The following STRN3 variants were observed in gnomAD, a reference collection of about 807,000 sequenced individuals.
STRN3 encodes striatin 3.
STRN3 carries 29 observed loss-of-function variants against 95.6 expected under a neutral mutation model. The observed-to-expected ratio is 0.30, with a 90% CI of 0.23 to 0.41. The LOEUF is 0.41. STRN3 is among the 10% of genes least tolerant of loss of function. The probability of loss-of-function intolerance (pLI) is 1.00; values close to 1 mark genes in which losing one functional copy is unlikely to be tolerated. For synonymous variants in STRN3, 331 were observed against 357.6 expected (o/e 0.93, Z 0.84); for missense variants, 890 against 972.1 (o/e 0.92, Z 1.12).
In STRN3 at chr14:30,980,915, TA is replaced by T. The variant is rs575418646; in HGVS notation, c.283-24674del. On this transcript the variant is annotated intron_variant, in intron 1 of 17. Transcript: ENST00000357479. ...ACTCAGAAGCAAACATCCAAGGAAT[TA>T]AAAAAAAAACTTAAATATTTTAGCT... Among the ~76,000 whole-genome samples the T allele has an allele frequency of 3.8e-3, 569 of 148,818 alleles. 2 individuals carry two copies. The highest frequency in any genetic ancestry group is 0.013 in the African/African-American group (531 of 40,610).
intron 3 of STRN3, among the ~76,000 whole-genome samples, chr14:30,954,676 C>A (rs1288400025): frequency 6.6e-6 from 1 of 152,070 alleles, no homozygotes; most frequent in Non-Finnish European, 1.5e-5. Context: ...TAGGTTTATA[C>A]AGATAAAAAC....
intron 7 of STRN3, among the ~76,000 whole-genome samples, chr14:30,934,086 G>A (rs1878694556): frequency 1.3e-5 from 2 of 152,174 alleles, no homozygotes; most frequent in Admixed American, 1.3e-4. Flanking sequence ...AGTACTTTGG[G>A]AGGCCAAGGC....
At chr14:30,945,651 T>C (rs1275748880) in intron 5 of STRN3, among the ~76,000 whole-genome samples, 3 of 152,060 alleles carry the variant, frequency 2.0e-5, no homozygotes, top group Non-Finnish European at 4.4e-5. Context: ...AAACCAAACG[T>C]AGTATATCCA....
intron 9 of STRN3, among the ~76,000 whole-genome samples, chr14:30,914,641 C>T (rs955898185): frequency 6.6e-6 from 1 of 152,090 alleles, no homozygotes; most frequent in African/African-American, 2.4e-5. Flanking sequence ...CGTGAGCCAC[C>T]GCGCCCAGCC....
intron 7 of STRN3, among the ~76,000 whole-genome samples, chr14:30,933,924 T>C (rs2139068154): frequency 6.6e-6 from 1 of 152,334 alleles, no homozygotes; most frequent in South Asian, 2.1e-4. Context: ...AACACATAAA[T>C]GAGGCATCTT....
At chr14:30,911,596 TCTGGC>T (rs1896611627) in intron 12 of STRN3, among the ~76,000 whole-genome samples, 176 bp downstream of exon 12, 2 of 152,218 alleles carry the variant, frequency 1.3e-5, no homozygotes, top group South Asian at 4.2e-4. Flanking sequence ...AACTACTGCA[TCTGGC>T]CTGAATGGTA....
chr14:30,995,299 G>A (rs765177522), intron 1 of STRN3, among the ~76,000 whole-genome samples: 1 of 151,894 alleles, frequency 6.6e-6, no homozygotes, highest in Non-Finnish European at 1.5e-5. Context: ...GTTCCTGGGA[G>A]CAGCAAGATG....
Position 31,012,031 on chromosome 14 carries a change from G to A in STRN3, c.282+13873C>T, listed in dbSNP as rs978009985. Among the ~76,000 whole-genome samples, 9 of 152,204 alleles carry A rather than the reference G, an allele frequency of 5.9e-5. 1 individual carries two copies. Among genetic ancestry groups the A allele is most frequent in the Admixed American group, 1.3e-4 (2 of 15,286 alleles). The stretch of plus-strand genomic sequence containing the variant: ...CAGGAGCCGGAGGTTGCAGTGAGCC[G>A]AGATCGCGCAACTGCGCTCCAGCAT... On this transcript the variant is annotated intron_variant, in intron 1 of 17. Transcript: ENST00000357479.
intron 1 of STRN3, among the ~76,000 whole-genome samples, chr14:31,011,029 A>G (rs1566491220): frequency 6.6e-6 from 1 of 152,026 alleles, no homozygotes; most frequent in Non-Finnish European, 1.5e-5. Flanking sequence ...ACAGAGCAAC[A>G]CTCTGTCTCA....
chr14:30,902,523 A>G lies in STRN3; in HGVS notation c.2137+13T>C. The G allele has an allele frequency of 3.3e-6, 5 of 1,519,854 alleles. No homozygotes were observed. The highest frequency in any genetic ancestry group is 4.5e-6 in the Non-Finnish European group (5 of 1,109,068). The allele number at this position is 1,519,854 out of a possible 1,614,324, so 94.1% of individuals were successfully genotyped here. On this transcript the variant is annotated intron_variant, in intron 16 of 17. Coordinates refer to ENST00000357479, the MANE Select transcript of STRN3 (RefSeq NM_001083893.2). ...ACAGTATTACTAATATGAAAAGAAGACAATTTGCTTACCCGTTTTATTGTC... is the reference window on the plus strand; with the variant it reads ...ACAGTATTACTAATATGAAAAGAAGGCAATTTGCTTACCCGTTTTATTGTC...
chr14:30,971,352 T>C (rs1033315663), intron 1 of STRN3, among the ~76,000 whole-genome samples: 1 of 152,172 alleles, frequency 6.6e-6, no homozygotes, highest in Non-Finnish European at 1.5e-5. Context: ...CTTTCAACTC[T>C]CACGTCTATT....
intron 4 of STRN3, among the ~76,000 whole-genome samples, chr14:30,949,160 G>C (rs1032851711): frequency 3.9e-5 from 6 of 152,122 alleles, no homozygotes; most frequent in Non-Finnish European, 7.3e-5. Flanking sequence ...CCTGACACTT[G>C]GTTGTTCATT....
At chr14:30,926,818 T>C (rs1878202492) in intron 8 of STRN3, among the ~76,000 whole-genome samples, 1 of 152,126 alleles carries the variant, frequency 6.6e-6, no homozygotes, top group African/African-American at 2.4e-5. Context: ...AGTTATGAAT[T>C]TGGGGTCTCC....
intron 14 of STRN3, 129 bp downstream of exon 14, chr14:30,906,748 C>T: frequency 9.5e-7 from 1 of 1,052,480 alleles, no homozygotes; most frequent in Non-Finnish European, 1.3e-6. Context: ...AAAGTTTATC[C>T]TAACTTTTAC....
intron 8 of STRN3, among the ~76,000 whole-genome samples, chr14:30,919,311 G>T (rs1425285213): frequency 1.3e-5 from 2 of 151,308 alleles, no homozygotes; most frequent in Non-Finnish European, 2.9e-5. Flanking sequence ...TGGAGAGAGA[G>T]ATATATATAA....
chr14:30,911,685 A>G (rs1180943775), intron 12 of STRN3, 92 bp downstream of exon 12: 7 of 1,167,680 alleles, frequency 6.0e-6, no homozygotes, highest in Non-Finnish European at 6.0e-6. Context: ...TTCTAATACA[A>G]AACATTGAGA....
intron 7 of STRN3, among the ~76,000 whole-genome samples, chr14:30,933,508 A>G (rs1878660290): frequency 6.6e-6 from 1 of 151,976 alleles, no homozygotes; most frequent in Admixed American, 6.6e-5. Flanking sequence ...GGAAAAAACA[A>G]TACTTTTGAA....
intron 1 of STRN3, among the ~76,000 whole-genome samples, chr14:30,956,468 CAT>C (rs1879910217): frequency 6.6e-6 from 1 of 152,122 alleles, no homozygotes; most frequent in South Asian, 2.1e-4. Context: ...GCCTATGAAA[CAT>C]AGTGAGACCT....
intron 7 of STRN3, chr14:30,932,492 G>A (rs1878590759): frequency 6.6e-6 from 1 of 152,028 alleles, no homozygotes; most frequent in Non-Finnish European, 1.5e-5. Flanking sequence ...CTATTTGAAC[G>A]ATCTTGTACT....
Sources: gnomAD v4.1 joint callset for allele counts (sites outside exome capture counted in the v4.1 genomes callset) on GRCh38, gnomAD v4.1.1 for gene constraint, MANE v1.5 for transcripts, NCBI Gene and HGNC (gene_info 2026-07-23, HGNC 2026-07-21) for gene names.